The following TTI1 variants were observed in gnomAD, a reference collection of about 807,000 sequenced individuals.
TTI1 encodes TELO2 interacting protein 1.
In TTI1, 52 loss-of-function variants were observed where a neutral mutation model predicts 85.4. The observed-to-expected ratio is 0.61, with a 90% CI of 0.49 to 0.77. TTI1 has a LOEUF of 0.77. Among genes scored for constraint, TTI1 ranks in the 30% least tolerant of loss-of-function variants. TTI1 has a pLI of 0.00. For missense variants in TTI1, 1,173 were observed against 1,296.0 expected (o/e 0.91, Z 1.46); for synonymous variants, 512 against 503.9 (o/e 1.02, Z -0.22).
At chr20:37,985,719 G>A (rs996904531) in intron 7 of TTI1, among the ~76,000 whole-genome samples, 1 of 152,000 alleles carries the variant, frequency 6.6e-6, no homozygotes, top group Middle Eastern at 3.2e-3. Flanking sequence ...GTAGAGACGG[G>A]GTTTCACCAT....
chr20:38,026,341 G>A (rs2073836481), intron 1 of TTI1, among the ~76,000 whole-genome samples: 1 of 152,098 alleles, frequency 6.6e-6, no homozygotes, highest in African/African-American at 2.4e-5. Flanking sequence ...TGTAGTTTTA[G>A]TAGAGGTAGA....
chr20:38,029,028 T>C (rs932689231), intron 1 of TTI1, among the ~76,000 whole-genome samples: 5 of 152,052 alleles, frequency 3.3e-5, no homozygotes, highest in African/African-American at 9.7e-5. Flanking sequence ...CAAGTGCTCA[T>C]AGAACATAAG....
intron 1 of TTI1, among the ~76,000 whole-genome samples, chr20:38,014,481 G>T (rs961462364): frequency 6.6e-6 from 1 of 152,104 alleles, no homozygotes; most frequent in Non-Finnish European, 1.5e-5. Context: ...GTCATTAAGA[G>T]GTTTAAAGCA....
chr20:38,022,935 A>T (rs192868381), intron 1 of TTI1, among the ~76,000 whole-genome samples: 2 of 152,312 alleles, frequency 1.3e-5, no homozygotes, highest in Admixed American at 1.3e-4. Context: ...TATCTTCTTC[A>T]ATATAAAATA....
Position 37,983,338 on chromosome 20 carries a change from G to A in TTI1, c.*118C>T. ...GATCGATCAATTTATAAATCGATTG[G>A]CTAACTAATTCACCTTCTCTGCTGC... is the stretch of plus-strand genomic sequence containing the variant. On this transcript the variant is annotated 3_prime_UTR_variant, in exon 8 of 8. Transcript: ENST00000373447. The A allele has an allele frequency of 1.0e-6, 1 of 987,422 alleles. No homozygotes were observed. Among genetic ancestry groups the A allele is most frequent in the Non-Finnish European group, 1.5e-6 (1 of 686,414 alleles). 61.2% of individuals were successfully genotyped at this position (987,422 alleles called of 1,614,324 possible). A position where few individuals can be genotyped will look rare whatever the true frequency, so the allele number is the denominator to read the frequency against.
intron 4 of TTI1, among the ~76,000 whole-genome samples, chr20:38,002,038 T>C (rs2073433438): frequency 6.6e-6 from 1 of 152,130 alleles, no homozygotes; most frequent in Non-Finnish European, 1.5e-5. Context: ...TTCTCACTCC[T>C]GCTTGGGGGT....
chr20:37,992,262 G>A (rs2073275024), intron 7 of TTI1, among the ~76,000 whole-genome samples: 4 of 152,042 alleles, frequency 2.6e-5, no homozygotes, highest in Admixed American at 2.6e-4. Context: ...GAGACTTGTT[G>A]GGCACTGACT....
intron 7 of TTI1, among the ~76,000 whole-genome samples, chr20:37,989,478 C>A (rs1424932443): frequency 6.6e-6 from 1 of 152,218 alleles, no homozygotes; most frequent in African/African-American, 2.4e-5. Context: ...CTGTTATAGA[C>A]AATTCAAAAA....
At chr20:38,030,420 C>T (rs1349153532) in intron 1 of TTI1, among the ~76,000 whole-genome samples, 2 of 151,870 alleles carry the variant, frequency 1.3e-5, no homozygotes, top group East Asian at 3.9e-4. Flanking sequence ...TATCCTGATA[C>T]CAAACCAAAG....
At chr20:37,997,055 G>GAA (rs1190929520) in intron 5 of TTI1, 102 bp from the exon 6 acceptor site, 13 of 1,118,494 alleles carry the variant, frequency 1.2e-5, no homozygotes, top group South Asian at 5.4e-5. Context: ...CTGCTTGGGG[G>GAA]AAAAAAAAAA....
intron 1 of TTI1, among the ~76,000 whole-genome samples, chr20:38,014,194 C>A (rs1385326725): frequency 6.6e-6 from 1 of 152,134 alleles, no homozygotes; most frequent in African/African-American, 2.4e-5. Context: ...TTCAGGAGTT[C>A]GGATTTTAAC....
At chr20:38,008,992 A>G (rs559655373) in intron 2 of TTI1, among the ~76,000 whole-genome samples, 5 of 149,542 alleles carry the variant, frequency 3.3e-5, no homozygotes, top group Non-Finnish European at 5.9e-5. Flanking sequence ...TTTTTTTTTT[A>G]AAAGCACTAC....
At chr20:38,006,496 C>G (rs1447036468) in intron 2 of TTI1, 99 bp from the exon 3 acceptor site, 1 of 1,344,172 alleles carries the variant, frequency 7.4e-7, no homozygotes, top group South Asian at 1.3e-5. Flanking sequence ...GCACAGCCCC[C>G]ACATGATTCA....
In TTI1 at chr20:37,996,855, G is replaced by T; in HGVS notation, c.2892C>A (p.Ala964=). The change falls in exon 6 of 8, where the codon GCC becomes GCA. Residue 964 remains alanine, a synonymous_variant. Transcript: ENST00000373447. Reference sequence around the variant, plus strand: ...CTGGTCCAGCCCTGGCACTGATGGGGGCCTGGGTGACTAGGGAGCCAGCCA... The same window carrying T: ...CTGGTCCAGCCCTGGCACTGATGGGTGCCTGGGTGACTAGGGAGCCAGCCA... ...PKLAGSLVTQ[A]PISARAGPVY... is the part of the protein sequence containing the mutation. The T allele has an allele frequency of 6.2e-7, 1 of 1,614,156 alleles. No individual in the cohort carries two copies. Among genetic ancestry groups the T allele is most frequent in the Non-Finnish European group, 8.5e-7 (1 of 1,180,024 alleles).
At chr20:38,008,406 T>C (rs1304875049) in intron 2 of TTI1, among the ~76,000 whole-genome samples, 3 of 152,214 alleles carry the variant, frequency 2.0e-5, no homozygotes, top group Non-Finnish European at 4.4e-5. Flanking sequence ...AAATACACTA[T>C]GGTGCAGACG....
rs1173552261 is a variant in TTI1 at position 37,996,943 on chromosome 20, G to A, written c.2804C>T (p.Thr935Ile). 1.2e-6 allele frequency: 2 copies of A among 1,613,672 alleles called. No individual in the cohort carries two copies. The highest frequency in any genetic ancestry group is 1.7e-6 in the Non-Finnish European group (2 of 1,179,910). ...AAAGTCACCACACTTGCTTCCCAGG[G>A]TACGTAAAACCTGCAGAAACAGCCT... is the stretch of plus-strand genomic sequence containing the variant. ...AVLRAFKVLR[T>I]LGSKCGDFLR... is the part of the protein sequence containing the mutation. The change falls in exon 6 of 8, where the codon ACC becomes ATC. Residue 935 changes from threonine (T) to isoleucine (I), a missense_variant. Thr to Ile is a moderately conservative substitution (Grantham distance 89). Transcript: ENST00000373447.
intron 7 of TTI1, among the ~76,000 whole-genome samples, chr20:37,991,557 C>T (rs948915477): frequency 2.0e-5 from 3 of 152,166 alleles, no homozygotes; most frequent in Admixed American, 1.3e-4. Flanking sequence ...CCTTCAAACC[C>T]GGTCCTGACT....
chr20:38,017,846 T>C (rs6022388), intron 1 of TTI1, among the ~76,000 whole-genome samples: 7 of 152,246 alleles, frequency 4.6e-5, no homozygotes, highest in African/African-American at 1.7e-4. Context: ...AGGAGACAAA[T>C]AGCCTATTAG....
At chr20:37,986,316 C>T (rs548844384) in intron 7 of TTI1, among the ~76,000 whole-genome samples, 30 of 152,320 alleles carry the variant, frequency 2.0e-4, no homozygotes, top group Non-Finnish European at 4.0e-4. Context: ...CTGCAATGTT[C>T]ATTTTCTGAG....
Sources: gnomAD v4.1 joint callset for allele counts (sites outside exome capture counted in the v4.1 genomes callset) on GRCh38, gnomAD v4.1.1 for gene constraint, MANE v1.5 for transcripts, NCBI Gene and HGNC (gene_info 2026-07-23, HGNC 2026-07-21) for gene names.